CLSTN2: variants seen among roughly 807,000 people sequenced by gnomAD.
CLSTN2 encodes calsyntenin 2.
CLSTN2 carries 48 observed loss-of-function variants against 101.2 expected under a neutral mutation model. That is an observed-to-expected ratio of 0.47 (90% CI 0.38 to 0.60). The LOEUF (loss-of-function observed/expected upper bound fraction) is 0.60, where lower values mean the gene tolerates loss of function less well. Ranked by LOEUF, CLSTN2 falls within the 20% of genes least tolerant of loss-of-function variation. CLSTN2 has a pLI of 0.00. For missense variants in CLSTN2, 1,160 were observed against 1,238.2 expected, an observed-to-expected ratio of 0.94 and a Z score of 0.95; for synonymous variants, 481 against 463.6, an observed-to-expected ratio of 1.04 and a Z score of -0.48.
intron 1 of CLSTN2, among the ~76,000 whole-genome samples, chr3:140,052,012 G>A (rs2008006139): frequency 6.6e-6 from 1 of 152,200 alleles, no homozygotes; most frequent in African/African-American, 2.4e-5. Flanking sequence ...CTTAGTGAAA[G>A]CGAAGACTCA....
intron 2 of CLSTN2, among the ~76,000 whole-genome samples, chr3:140,321,984 A>G (rs1482302983): frequency 6.6e-6 from 1 of 152,186 alleles, no homozygotes; most frequent in East Asian, 1.9e-4. Context: ...GGCAGATGCC[A>G]AGGCCCTCAC....
At chr3:140,185,413 A>C (rs1011486239) in intron 2 of CLSTN2, among the ~76,000 whole-genome samples, 1 of 152,228 alleles carries the variant, frequency 6.6e-6, no homozygotes, top group African/African-American at 2.4e-5. Flanking sequence ...CCAAGCTTAA[A>C]GACATTCTGG....
At chr3:140,154,382 G>C (rs1202913919) in intron 1 of CLSTN2, among the ~76,000 whole-genome samples, 1 of 152,026 alleles carries the variant, frequency 6.6e-6, no homozygotes, top group African/African-American at 2.4e-5. Flanking sequence ...AAGGTGGTAG[G>C]AGATGAGTTA....
intron 8 of CLSTN2, among the ~76,000 whole-genome samples, chr3:140,514,479 T>C (rs544827): frequency 0.063 from 9,543 of 152,266 alleles, 714 homozygotes; most frequent in East Asian, 0.3. Context: ...TATTCATACA[T>C]ATACATATAC....
chr3:140,114,851 C>G (rs2009215190), intron 1 of CLSTN2, among the ~76,000 whole-genome samples: 1 of 152,160 alleles, frequency 6.6e-6, no homozygotes, highest in South Asian at 2.1e-4. Flanking sequence ...CCCCCTCCCC[C>G]CATTTCTCCA....
intron 5 of CLSTN2, among the ~76,000 whole-genome samples, chr3:140,446,799 G>C (rs1260990801): frequency 6.6e-6 from 1 of 152,144 alleles, no homozygotes; most frequent in Non-Finnish European, 1.5e-5. Flanking sequence ...CAGCTCAGAG[G>C]TTAAGTCTCA....
rs116680359 is a variant in CLSTN2 at position 140,420,887 on chromosome 3, C to T, written c.638-238C>T. 3.6e-3 allele frequency among the ~76,000 whole-genome samples: 368 copies of T among 102,944 alleles called. 1 individual carries two copies. The highest frequency in any genetic ancestry group is 0.024 in the African/African-American group (351 of 14,406). 67.5% of individuals were successfully genotyped at this position (102,944 alleles called of 152,430 possible). On this transcript the variant is annotated intron_variant, in intron 4 of 16. Transcript: ENST00000458420. ...ATTCCAGGCGTGTGCTCGAAATTCC[C>T]TGGCAGTCCTATTGCGCAGCTAGGT... is the stretch of plus-strand genomic sequence containing the variant.
intron 2 of CLSTN2, among the ~76,000 whole-genome samples, chr3:140,231,203 A>G (rs912830898): frequency 3.9e-5 from 6 of 152,040 alleles, no homozygotes; most frequent in Non-Finnish European, 8.8e-5. Context: ...GGCTCCCACT[A>G]TCTCATCATG....
At chr3:139,996,159 C>A (rs1228076083) in intron 1 of CLSTN2, among the ~76,000 whole-genome samples, 1 of 151,986 alleles carries the variant, frequency 6.6e-6, no homozygotes, top group Non-Finnish European at 1.5e-5. Context: ...ATACCTTTAC[C>A]CAAAATTGTT....
chr3:140,536,677 C>A (rs998856680), intron 9 of CLSTN2, among the ~76,000 whole-genome samples: 2 of 152,090 alleles, frequency 1.3e-5, no homozygotes, highest in African/African-American at 4.8e-5. Flanking sequence ...AAATGACAAC[C>A]CATTGGTGAA....
At chr3:140,391,301 A>G (rs2088111204) in intron 2 of CLSTN2, among the ~76,000 whole-genome samples, 1 of 136,660 alleles carries the variant, frequency 7.3e-6, no homozygotes, top group Non-Finnish European at 1.5e-5. Context: ...AGCTTCCTCC[A>G]GGTTTCAGCT....
intron 1 of CLSTN2, among the ~76,000 whole-genome samples, chr3:139,992,088 T>C (rs937656371): frequency 6.6e-6 from 1 of 152,110 alleles, no homozygotes; most frequent in Non-Finnish European, 1.5e-5. Flanking sequence ...ACTAGAGGAA[T>C]GGAAATCGAC....
At chr3:139,996,814 G>A (rs1260875632) in intron 1 of CLSTN2, among the ~76,000 whole-genome samples, 1 of 152,058 alleles carries the variant, frequency 6.6e-6, no homozygotes, top group Non-Finnish European at 1.5e-5. Context: ...TTGGGAGGCC[G>A]AGGTGGGTGG....
chr3:140,021,673 G>A (rs72981839), intron 1 of CLSTN2, among the ~76,000 whole-genome samples: 3,923 of 152,228 alleles, frequency 0.026, 180 homozygotes, highest in African/African-American at 0.088. Flanking sequence ...GCATCTGGAA[G>A]TACTCTCTTC....
At chr3:140,513,560 T>C (rs1011367420) in intron 8 of CLSTN2, among the ~76,000 whole-genome samples, 1 of 149,464 alleles carries the variant, frequency 6.7e-6, no homozygotes, top group African/African-American at 2.4e-5. Flanking sequence ...GATACTGACC[T>C]GAAGCTTTCT....
intron 1 of CLSTN2, among the ~76,000 whole-genome samples, chr3:139,936,996 A>T (rs113730227): frequency 1.1e-4 from 16 of 151,402 alleles, no homozygotes; most frequent in African/African-American, 3.9e-4. Context: ...TCAAGCTGAG[A>T]GACTGTTGTT....
At chr3:140,023,365 G>A (rs2007356586) in intron 1 of CLSTN2, among the ~76,000 whole-genome samples, 1 of 152,212 alleles carries the variant, frequency 6.6e-6, no homozygotes, top group Admixed American at 6.5e-5. Context: ...AACCTTGTGA[G>A]GCTTGTTATG....
chr3:140,419,661 A>G lies in CLSTN2; in HGVS notation c.638-1464A>G, dbSNP rs1260726880. ...TACATATATATGTACACGTATATAT[A>G]CATATATGAATATGTATATACGTAT... On this transcript the variant is annotated intron_variant, in intron 4 of 16. Transcript: ENST00000458420. 2.3e-3 allele frequency among the ~76,000 whole-genome samples: 138 copies of G among 60,548 alleles called. 39 individuals carry two copies. Among genetic ancestry groups the G allele is most frequent in the Non-Finnish European group, 3.2e-3 (122 of 37,984 alleles). The allele number at this position is 60,548 out of a possible 152,430, so 39.7% of individuals were successfully genotyped here. A position where few individuals can be genotyped will look rare whatever the true frequency, so the allele number is the denominator to read the frequency against.
chr3:140,199,526 C>T (rs888689159), intron 2 of CLSTN2, among the ~76,000 whole-genome samples: 1 of 152,340 alleles, frequency 6.6e-6, no homozygotes, highest in South Asian at 2.1e-4. Flanking sequence ...GAAAAATCCT[C>T]TCTGGTGGTA....
Sources: allele counts gnomAD v4.1 joint callset (sites outside exome capture counted in the v4.1 genomes callset), GRCh38; gene constraint gnomAD v4.1.1; transcripts MANE v1.5; gene names NCBI Gene and HGNC (gene_info 2026-07-23, HGNC 2026-07-21).